CNTNAP5: variants seen among roughly 807,000 people sequenced by gnomAD.
The protein encoded by CNTNAP5 is contactin-associated protein-like 5.
Under a neutral mutation model 150.2 loss-of-function variants are expected in CNTNAP5, and 72 were observed. The observed-to-expected ratio is 0.48, with a 90% confidence interval of 0.40 to 0.58. The LOEUF is 0.58. Ranked by LOEUF, CNTNAP5 falls within the 20% of genes least tolerant of loss-of-function variation. The probability of loss-of-function intolerance (pLI) is 0.00; values close to 1 mark genes in which losing one functional copy is unlikely to be tolerated. For missense variants in CNTNAP5, 1,636 were observed against 1,626.2 expected (o/e 1.01, Z -0.10); for synonymous variants, 672 against 619.8 (o/e 1.08, Z -1.25).
intron 3 of CNTNAP5, among the ~76,000 whole-genome samples, chr2:124,334,456 G>C (rs1689423037): frequency 6.6e-6 from 1 of 152,134 alleles, no homozygotes; most frequent in African/African-American, 2.4e-5. Flanking sequence ...AAAGACAGAG[G>C]AAACAGTGCA....
At chr2:124,665,403 T>C (rs1307087267) in intron 13 of CNTNAP5, among the ~76,000 whole-genome samples, 4 of 152,242 alleles carry the variant, frequency 2.6e-5, no homozygotes, top group African/African-American at 9.6e-5. Flanking sequence ...ACTATTTAGT[T>C]AATATTATAG....
chr2:124,739,646 C>T (rs998401391), intron 13 of CNTNAP5, among the ~76,000 whole-genome samples: 2 of 152,166 alleles, frequency 1.3e-5, no homozygotes, highest in African/African-American at 4.8e-5. Flanking sequence ...CCCAAACAGT[C>T]ATTTCCTAAA....
chr2:124,825,676 G>A (rs1682578105), intron 19 of CNTNAP5, among the ~76,000 whole-genome samples: 1 of 152,204 alleles, frequency 6.6e-6, no homozygotes. Flanking sequence ...TTAGGGCCTG[G>A]AAGGGGCTGC....
chr2:124,177,326 T>C (rs1332769435), intron 1 of CNTNAP5, among the ~76,000 whole-genome samples: 1 of 152,124 alleles, frequency 6.6e-6, no homozygotes, highest in Non-Finnish European at 1.5e-5. Flanking sequence ...AATCTTTTGT[T>C]TCTGAGACCT....
intron 9 of CNTNAP5, among the ~76,000 whole-genome samples, chr2:124,526,744 T>G (rs1694977380): frequency 6.6e-6 from 1 of 152,218 alleles, no homozygotes; most frequent in Non-Finnish European, 1.5e-5. Context: ...CTGATTTTGC[T>G]TTGCACATCA....
At chr2:124,058,171 G>A (rs986095815) in intron 1 of CNTNAP5, among the ~76,000 whole-genome samples, 2 of 152,094 alleles carry the variant, frequency 1.3e-5, no homozygotes, top group African/African-American at 2.4e-5. Flanking sequence ...GATCCCCTAA[G>A]TAAGAATTTC....
chr2:124,559,510 T>G (rs950968921), intron 10 of CNTNAP5, among the ~76,000 whole-genome samples: 1 of 152,232 alleles, frequency 6.6e-6, no homozygotes, highest in Non-Finnish European at 1.5e-5. Flanking sequence ...TCCATCCAGA[T>G]GCAGTTATAG....
chr2:124,724,175 A>AATAATAATAATG lies in CNTNAP5; in HGVS notation c.2078-23052_2078-23051insAATAATAATGAT, dbSNP rs539558593. ...TAATAATAATAATAATAATAATAATAATGATGATACAGATCTTATCTCTAA... is the reference window on the plus strand; with the variant it reads ...TAATAATAATAATAATAATAATAATAATAATAATAATGATGATGATACAGATCTTATCTCTAA... On this transcript the variant is annotated intron_variant, in intron 13 of 23. Transcript: ENST00000682447. Among the ~76,000 whole-genome samples the AATAATAATAATG allele has an allele frequency of 4.5e-3, 677 of 149,634 alleles. 4 individuals carry two copies. The highest frequency in any genetic ancestry group is 0.016 in the African/African-American group (656 of 40,638).
At chr2:124,356,025 A>G (rs1689991145) in intron 3 of CNTNAP5, among the ~76,000 whole-genome samples, 1 of 152,204 alleles carries the variant, frequency 6.6e-6, no homozygotes, top group Non-Finnish European at 1.5e-5. Context: ...TAAGAAAAAC[A>G]ATGCTTACAG....
At chr2:124,423,825 C>T (rs1443700268) in intron 4 of CNTNAP5, among the ~76,000 whole-genome samples, 13 of 141,284 alleles carry the variant, frequency 9.2e-5, no homozygotes, top group East Asian at 4.4e-4. Flanking sequence ...CTACCACGCC[C>T]GGCTAATTTT....
rs1216269893 is a variant in CNTNAP5 at position 124,434,604 on chromosome 2, T to C, written c.650T>C (p.Val217Ala). ...TTCAAGAGCATGCAAGGAGATGGGG[T>C]CCTGTTCCATGGAGAAGGTCAGCGT... ...LKFKSMQGDGVLFHGEGQRGD... is the reference protein window; with the variant it reads ...LKFKSMQGDGALFHGEGQRGD... The change falls in exon 5 of 24, where the codon GTC becomes GCC. Residue 217 changes from valine (V) to alanine (A), a missense_variant. By Grantham distance (64) the Val-to-Ala change is moderately conservative (BLOSUM62 0). Transcript: ENST00000682447. 3.7e-6 allele frequency: 6 copies of C among 1,613,790 alleles called. No individual in the cohort carries two copies. The highest frequency in any genetic ancestry group is 4.2e-6 in the Non-Finnish European group (5 of 1,179,842).
At chr2:124,363,356 C>T (rs1356774713) in intron 3 of CNTNAP5, among the ~76,000 whole-genome samples, 1 of 152,134 alleles carries the variant, frequency 6.6e-6, no homozygotes, top group African/African-American at 2.4e-5. Flanking sequence ...ACAGACTCCC[C>T]TCCTGAACTC....
intron 1 of CNTNAP5, among the ~76,000 whole-genome samples, chr2:124,085,016 G>C (rs1418512933): frequency 7.3e-6 from 1 of 136,818 alleles, no homozygotes; most frequent in Admixed American, 8.7e-5. Context: ...CTGCCTCCCG[G>C]GTTGAAGCAA....
chr2:124,341,589 A>G (rs1017875968), intron 3 of CNTNAP5, among the ~76,000 whole-genome samples: 4 of 152,196 alleles, frequency 2.6e-5, no homozygotes, highest in African/African-American at 9.6e-5. Flanking sequence ...TGGTGTTTAC[A>G]GAGCTCCCAT....
intron 17 of CNTNAP5, among the ~76,000 whole-genome samples, chr2:124,789,245 T>C (rs1457788562): frequency 6.6e-6 from 1 of 152,214 alleles, no homozygotes; most frequent in Non-Finnish European, 1.5e-5. Flanking sequence ...CTGTGGACTG[T>C]GTGAGAACTT....
At chr2:124,700,872 G>GT (rs1679505948) in intron 13 of CNTNAP5, among the ~76,000 whole-genome samples, 3 of 151,864 alleles carry the variant, frequency 2.0e-5, no homozygotes, top group South Asian at 2.1e-4. Context: ...ATGCAATTGC[G>GT]TTTTTTGCCA....
intron 16 of CNTNAP5, among the ~76,000 whole-genome samples, chr2:124,765,112 C>T (rs994123980): frequency 2.6e-5 from 4 of 151,996 alleles, no homozygotes; most frequent in African/African-American, 9.7e-5. Flanking sequence ...TTTTAAACTT[C>T]CTATTTGTTA....
intron 17 of CNTNAP5, among the ~76,000 whole-genome samples, chr2:124,773,428 C>G (rs1021453474): frequency 2.0e-5 from 3 of 152,112 alleles, no homozygotes; most frequent in Admixed American, 2.0e-4. Context: ...TACAGATATC[C>G]ATGCAATGAT....
At chr2:124,542,379 T>A (rs189091723) in intron 10 of CNTNAP5, among the ~76,000 whole-genome samples, 1 of 151,386 alleles carries the variant, frequency 6.6e-6, no homozygotes, top group Admixed American at 6.6e-5. Flanking sequence ...AAAGCAGACA[T>A]CTTACAAAGG....
Sources: gnomAD v4.1 joint callset for allele counts (sites outside exome capture counted in the v4.1 genomes callset) on GRCh38, gnomAD v4.1.1 for gene constraint, MANE v1.5 for transcripts, NCBI Gene and HGNC (gene_info 2026-07-23, HGNC 2026-07-21) for gene names.